PTPRG: variants seen among roughly 807,000 people sequenced by gnomAD.
The protein encoded by PTPRG is receptor-type tyrosine-protein phosphatase gamma.
Under a neutral mutation model 165.3 loss-of-function variants are expected in PTPRG, and 102 were observed. That is an observed-to-expected ratio of 0.62 (90% CI 0.53 to 0.73). The LOEUF (loss-of-function observed/expected upper bound fraction) is 0.73, where lower values mean the gene tolerates loss of function less well. PTPRG is among the 30% of genes least tolerant of loss of function. The probability of loss-of-function intolerance (pLI) is 0.00; values close to 1 mark genes in which losing one functional copy is unlikely to be tolerated. For missense variants in PTPRG, 1,866 were observed against 1,861.4 expected (o/e 1.00, Z -0.05); for synonymous variants, 675 against 669.5 (o/e 1.01, Z -0.13).
Position 62,201,145 on chromosome 3 carries a change from G to T in PTPRG, c.1328-360G>T, listed in dbSNP as rs60292018. Among the ~76,000 whole-genome samples the T allele has an allele frequency of 4.4e-3, 673 of 152,288 alleles. 1 individual carries two copies. The highest frequency in any genetic ancestry group is 0.016 in the African/African-American group (651 of 41,562). Reference sequence around the variant, plus strand: ...ATTACTGTGGGGAGTGGTTACACAGGTGTTTACATATGTAAAATTCATTCA... The same window carrying T: ...ATTACTGTGGGGAGTGGTTACACAGTTGTTTACATATGTAAAATTCATTCA... On this transcript the variant is annotated intron_variant, in intron 10 of 29. Transcript: ENST00000474889.
intron 5 of PTPRG, among the ~76,000 whole-genome samples, chr3:62,094,370 G>A (rs895908687): frequency 1.2e-4 from 18 of 152,094 alleles, no homozygotes; most frequent in African/African-American, 4.1e-4. Context: ...AGACAATTAG[G>A]ACTTTGAGGA....
intron 2 of PTPRG, among the ~76,000 whole-genome samples, chr3:61,756,462 TG>T (rs2033637747): frequency 6.6e-6 from 1 of 152,360 alleles, no homozygotes; most frequent in South Asian, 2.1e-4. Flanking sequence ...TGTTGCCATA[TG>T]CTTAAGGTAC....
At chr3:61,742,803 C>A in intron 1 of PTPRG, 2 of 1,607,576 alleles carry the variant, frequency 1.2e-6, no homozygotes. Flanking sequence ...TCTTGGCCAG[C>A]TTCTTGACCA....
chr3:61,989,881 TGA>T, intron 3 of PTPRG, 77 bp downstream of exon 3: 4 of 1,509,718 alleles, frequency 2.6e-6, no homozygotes, highest in Non-Finnish European at 3.6e-6. Context: ...TCCTTAACCA[TGA>T]CTTGCTCCTT....
intron 5 of PTPRG, among the ~76,000 whole-genome samples, chr3:62,098,349 CTA>C (rs1702183796): frequency 6.6e-6 from 1 of 151,956 alleles, no homozygotes. Flanking sequence ...TATAAGTAAT[CTA>C]GAGATGAGTT....
intron 4 of PTPRG, among the ~76,000 whole-genome samples, chr3:62,055,230 T>C (rs1469701762): frequency 6.6e-6 from 1 of 152,242 alleles, no homozygotes; most frequent in Non-Finnish European, 1.5e-5. Flanking sequence ...ACTATTATTA[T>C]ACCATTATAC....
chr3:62,032,531 A>G (rs1338489692), intron 4 of PTPRG, among the ~76,000 whole-genome samples: 1 of 149,036 alleles, frequency 6.7e-6, no homozygotes, highest in African/African-American at 2.4e-5. Flanking sequence ...GTTGAAGAGC[A>G]TTCCCATTTT....
intron 2 of PTPRG, among the ~76,000 whole-genome samples, chr3:61,797,789 G>C (rs1374073958): frequency 1.3e-5 from 2 of 152,026 alleles, no homozygotes; most frequent in Non-Finnish European, 2.9e-5. Context: ...TGGAGAAGGA[G>C]ACTTGACAGT....
intron 1 of PTPRG, among the ~76,000 whole-genome samples, chr3:61,581,951 ATTTTG>A (rs1210973497): frequency 6.6e-6 from 1 of 150,554 alleles, no homozygotes; most frequent in Non-Finnish European, 1.5e-5. Context: ...CTCTTATTTT[ATTTTG>A]TTTTGTTTTA....
intron 2 of PTPRG, among the ~76,000 whole-genome samples, chr3:61,789,294 G>A (rs2034802813): frequency 6.6e-6 from 1 of 151,988 alleles, no homozygotes; most frequent in Non-Finnish European, 1.5e-5. Context: ...TAGAGACGGG[G>A]TCTCCCTGTG....
chr3:61,648,083 T>C (rs552026964), intron 1 of PTPRG, among the ~76,000 whole-genome samples: 2 of 152,330 alleles, frequency 1.3e-5, no homozygotes, highest in East Asian at 3.9e-4. Context: ...GGAGGCTTCA[T>C]GTTTGATTAA....
At chr3:62,287,780 T>TA (rs777894738) in intron 28 of PTPRG, among the ~76,000 whole-genome samples, 23 of 152,144 alleles carry the variant, frequency 1.5e-4, no homozygotes, top group Non-Finnish European at 2.6e-4. Context: ...AATAGTGATA[T>TA]AGAGAAGTTC....
intron 4 of PTPRG, among the ~76,000 whole-genome samples, chr3:62,071,585 CATT>C (rs767919008): frequency 2.0e-5 from 3 of 152,176 alleles, no homozygotes; most frequent in Non-Finnish European, 4.4e-5. Flanking sequence ...AACCTTGTCT[CATT>C]AATGATATTT....
At chr3:61,592,247 G>A (rs1470424924) in intron 1 of PTPRG, among the ~76,000 whole-genome samples, 1 of 152,120 alleles carries the variant, frequency 6.6e-6, no homozygotes, top group Non-Finnish European at 1.5e-5. Context: ...GATTACAGGT[G>A]TGAGCCACCG....
chr3:61,805,216 G>T (rs1160253295), intron 2 of PTPRG, among the ~76,000 whole-genome samples: 1 of 152,046 alleles, frequency 6.6e-6, no homozygotes, highest in African/African-American at 2.4e-5. Flanking sequence ...GACATTTTTG[G>T]TTGTTACAGC....
chr3:62,082,698 A>G (rs1213255267), intron 5 of PTPRG, among the ~76,000 whole-genome samples: 2 of 152,196 alleles, frequency 1.3e-5, no homozygotes, highest in Non-Finnish European at 2.9e-5. Context: ...GTAACGGATA[A>G]GAGTTGAGGG....
intron 4 of PTPRG, among the ~76,000 whole-genome samples, chr3:62,049,882 G>A (rs1220609804): frequency 2.0e-5 from 3 of 152,102 alleles, no homozygotes; most frequent in Non-Finnish European, 2.9e-5. Context: ...CTCATACTTC[G>A]CTGTTTTTGC....
At chr3:61,822,076 C>CT (rs1167904142) in intron 2 of PTPRG, among the ~76,000 whole-genome samples, 5 of 152,226 alleles carry the variant, frequency 3.3e-5, no homozygotes, top group African/African-American at 1.2e-4. Flanking sequence ...GTTTCAGTCA[C>CT]TGGCACAGCC....
intron 2 of PTPRG, among the ~76,000 whole-genome samples, chr3:61,871,915 A>G (rs1328388006): frequency 2.0e-5 from 3 of 152,142 alleles, no homozygotes; most frequent in Admixed American, 1.3e-4. Flanking sequence ...GAATCCAGGG[A>G]TCTGTGTTTT....
Sources: gnomAD v4.1 joint callset for allele counts (sites outside exome capture counted in the v4.1 genomes callset) on GRCh38, gnomAD v4.1.1 for gene constraint, MANE v1.5 for transcripts, NCBI Gene and HGNC (gene_info 2026-07-23, HGNC 2026-07-21) for gene names.